The following SLC24A3 variants were observed in gnomAD, a reference collection of about 807,000 sequenced individuals.
SLC24A3 encodes solute carrier family 24 member 3.
A neutral mutation model predicts 75.8 loss-of-function variants in SLC24A3; 28 were observed. That is an observed-to-expected ratio of 0.37 (90% CI 0.27 to 0.51). The LOEUF (loss-of-function observed/expected upper bound fraction) is 0.51, where lower values mean the gene tolerates loss of function less well. Among genes scored for constraint, SLC24A3 ranks in the 20% least tolerant of loss-of-function variants. The pLI is 0.94. For missense variants in SLC24A3, 663 were observed against 847.8 expected (o/e 0.78, Z 2.71); for synonymous variants, 372 against 334.1 (o/e 1.11, Z -1.24).
At chr20:19,595,734 C>A (rs952212315) in intron 6 of SLC24A3, among the ~76,000 whole-genome samples, 1 of 152,130 alleles carries the variant, frequency 6.6e-6, no homozygotes, top group Non-Finnish European at 1.5e-5. Context: ...AGCATCTGAA[C>A]CAATCAATGA....
intron 2 of SLC24A3, among the ~76,000 whole-genome samples, chr20:19,496,141 C>T (rs1014693630): frequency 6.6e-5 from 10 of 152,176 alleles, no homozygotes; most frequent in Non-Finnish European, 1.2e-4. Context: ...ACTTTGGCCA[C>T]GGGTGGTTGT....
rs74180954 is a variant in SLC24A3, at chr20:19,513,736, T to TAAA, written c.272-1751_272-1750insAAA. ...ACACAGGTGGGTCTTGCTTTTTTTT[T>TAAA]AGAAAAAAAAAAAAAGCCTTTTTGA... On this transcript the variant is annotated intron_variant, in intron 2 of 16. Transcript: ENST00000328041. Among the ~76,000 whole-genome samples the TAAA allele has an allele frequency of 4.0e-3, 495 of 123,250 alleles. 4 individuals are homozygous for TAAA. In the East Asian group the frequency reaches 0.046, roughly 11 times the overall value. The allele number at this position is 123,250 out of a possible 152,430, so 80.9% of individuals were successfully genotyped here. A position where few individuals can be genotyped will look rare whatever the true frequency, so the allele number is the denominator to read the frequency against.
chr20:19,276,279 G>T (rs1039432808), intron 1 of SLC24A3, among the ~76,000 whole-genome samples: 1 of 152,198 alleles, frequency 6.6e-6, no homozygotes, highest in African/African-American at 2.4e-5. Flanking sequence ...TGAGTTGCAC[G>T]CAGTGGGACT....
chr20:19,416,642 T>A (rs2122428942), intron 2 of SLC24A3, among the ~76,000 whole-genome samples: 2 of 152,242 alleles, frequency 1.3e-5, no homozygotes, highest in East Asian at 3.9e-4. Flanking sequence ...ACAAGAGAGA[T>A]TCAAGGAAAA....
At chr20:19,632,291 A>T (rs780868108) in intron 6 of SLC24A3, among the ~76,000 whole-genome samples, 1 of 151,908 alleles carries the variant, frequency 6.6e-6, no homozygotes, top group Non-Finnish European at 1.5e-5. Flanking sequence ...ACCCAAATTG[A>T]CTCTCTTACA....
chr20:19,666,928 G>A (rs1223137794), intron 8 of SLC24A3, among the ~76,000 whole-genome samples: 6 of 152,192 alleles, frequency 3.9e-5, no homozygotes, highest in South Asian at 2.1e-4. Flanking sequence ...GTGCATTCTC[G>A]TTACATATTT....
chr20:19,550,355 A>G (rs1475559380), intron 3 of SLC24A3, among the ~76,000 whole-genome samples: 2 of 152,218 alleles, frequency 1.3e-5, no homozygotes, highest in Non-Finnish European at 2.9e-5. Context: ...GACAATACAT[A>G]GTATCATTGA....
At chr20:19,653,411 T>C (rs2032229468) in intron 6 of SLC24A3, among the ~76,000 whole-genome samples, 1 of 152,224 alleles carries the variant, frequency 6.6e-6, no homozygotes, top group African/African-American at 2.4e-5. Context: ...AGATTCTGAT[T>C]AAACCGAGGT....
intron 2 of SLC24A3, among the ~76,000 whole-genome samples, chr20:19,417,785 C>T (rs1986852345): frequency 6.6e-6 from 1 of 152,184 alleles, no homozygotes; most frequent in Non-Finnish European, 1.5e-5. Context: ...ACTCAGGCAT[C>T]AGCCGAGGTG....
At chr20:19,546,221 C>T (rs6081637) in intron 3 of SLC24A3, among the ~76,000 whole-genome samples, 44,352 of 145,678 alleles carry the variant, frequency 0.3, 7,030 homozygotes, top group Middle Eastern at 0.41. Flanking sequence ...CTTAGTGCTC[C>T]CTTCTCCAGG....
intron 2 of SLC24A3, among the ~76,000 whole-genome samples, chr20:19,333,826 C>T (rs1255414600): frequency 6.6e-6 from 1 of 152,102 alleles, no homozygotes; most frequent in Non-Finnish European, 1.5e-5. Flanking sequence ...TTGTCCTCCA[C>T]CACACATGAC....
intron 8 of SLC24A3, among the ~76,000 whole-genome samples, chr20:19,672,249 T>A (rs1341298530): frequency 2.0e-5 from 3 of 152,194 alleles, no homozygotes; most frequent in African/African-American, 7.2e-5. Context: ...TGGCAGAAAT[T>A]GAAAGGGCTT....
chr20:19,396,483 T>C (rs1986455914), intron 2 of SLC24A3, among the ~76,000 whole-genome samples: 2 of 152,250 alleles, frequency 1.3e-5, no homozygotes, highest in Non-Finnish European at 2.9e-5. Context: ...ATGTATATTT[T>C]ACACTTATAG....
intron 16 of SLC24A3, 87 bp from the exon 17 acceptor site, chr20:19,720,904 T>A (rs1356140402): frequency 6.6e-7 from 1 of 1,519,712 alleles, no homozygotes. Context: ...CAGCAGCCCT[T>A]CCCCGGGTCC....
chr20:19,647,446 C>A (rs1007262219), intron 6 of SLC24A3, among the ~76,000 whole-genome samples: 1 of 152,144 alleles, frequency 6.6e-6, no homozygotes, highest in African/African-American at 2.4e-5. Context: ...AATGCTGTGC[C>A]GGGTGCTGGC....
At chr20:19,402,388 T>G (rs993747816) in intron 2 of SLC24A3, among the ~76,000 whole-genome samples, 2 of 152,150 alleles carry the variant, frequency 1.3e-5, no homozygotes, top group Non-Finnish European at 2.9e-5. Flanking sequence ...CAGCCTAAAG[T>G]TTGCTTCAGA....
intron 1 of SLC24A3, among the ~76,000 whole-genome samples, chr20:19,224,730 G>GTTTTACT (rs1056217908): frequency 6.6e-6 from 1 of 152,126 alleles, no homozygotes; most frequent in African/African-American, 2.4e-5. Flanking sequence ...TTAACATCCT[G>GTTTTACT]TTTTACTTTT....
chr20:19,607,142 A>G (rs567592563), intron 6 of SLC24A3, among the ~76,000 whole-genome samples: 9 of 152,228 alleles, frequency 5.9e-5, no homozygotes, highest in South Asian at 4.2e-4. Flanking sequence ...CTGATCCCCA[A>G]TTGAAACTGA....
At chr20:19,549,637 A>T (rs926435030) in intron 3 of SLC24A3, among the ~76,000 whole-genome samples, 36 of 152,198 alleles carry the variant, frequency 2.4e-4, no homozygotes, top group African/African-American at 8.7e-4. Context: ...TACAAAAATT[A>T]GCAAGGTGTG....
Sources: gnomAD v4.1 joint callset for allele counts (sites outside exome capture counted in the v4.1 genomes callset) on GRCh38, gnomAD v4.1.1 for gene constraint, MANE v1.5 for transcripts, NCBI Gene and HGNC (gene_info 2026-07-23, HGNC 2026-07-21) for gene names.